HSCB: variants seen among roughly 807,000 people sequenced by gnomAD.
HSCB encodes HscB mitochondrial iron-sulfur cluster cochaperone, also known as iron-sulfur cluster co-chaperone protein HscB.
In HSCB, 23 loss-of-function variants were observed where a neutral mutation model predicts 31.3. That is an observed-to-expected ratio of 0.74 (90% CI 0.53 to 1.04). The LOEUF is 1.04. Ranked by LOEUF, HSCB falls within the 50% of genes least tolerant of loss-of-function variation. The pLI, the probability that HSCB is intolerant of heterozygous loss-of-function variation, is 0.00. For synonymous variants in HSCB, 110 were observed against 104.5 expected (o/e 1.05, Z -0.32); for missense variants, 297 against 288.1 (o/e 1.03, Z -0.22).
chr22:28,754,076 T>C (rs969033704), intron 5 of HSCB, among the ~76,000 whole-genome samples: 1 of 151,856 alleles, frequency 6.6e-6, no homozygotes, highest in African/African-American at 2.4e-5. Context: ...GAGTTTGCAG[T>C]GAGCCGAGAT....
At chr22:28,751,125 A>G in intron 4 of HSCB, 116 bp from the exon 5 acceptor site, 1 of 655,466 alleles carries the variant, frequency 1.5e-6, no homozygotes, top group East Asian at 2.8e-5. Flanking sequence ...TTACCCTTGA[A>G]TACAAACTTC....
chr22:28,745,217 TA>T (rs2054663832), intron 3 of HSCB: 1 of 153,084 alleles, frequency 6.5e-6, no homozygotes, highest in South Asian at 2.0e-4. Context: ...AGCTTTTAGT[TA>T]AGAGTCATTT....
At position 28,744,738 on chromosome 22, in the gene HSCB, G is replaced by A. The variant is rs775312262; in HGVS notation, c.423+34G>A. ...ATTTCCCAACACTTCTGTGTATGAC[G>A]TCCTGATGCCCATTATGGCGTAGGA... On this transcript the variant is annotated intron_variant, in intron 3 of 5. Transcript: ENST00000216027. The A allele has an allele frequency of 1.5e-5, 23 of 1,498,794 alleles. No homozygotes were observed. In the South Asian group the frequency reaches 2.0e-4, roughly 13 times the overall value. The allele number at this position is 1,498,794 out of a possible 1,614,324, so 92.8% of individuals were successfully genotyped here.
At chr22:28,742,727 G>T in intron 1 of HSCB, 1 of 235,996 alleles carries the variant, frequency 4.2e-6, no homozygotes, top group Non-Finnish European at 8.5e-6. Flanking sequence ...TGAATGAATA[G>T]GGTGAGTAAG....
chr22:28,752,091 A>C (rs1008185082), intron 5 of HSCB, among the ~76,000 whole-genome samples: 5 of 151,374 alleles, frequency 3.3e-5, no homozygotes, highest in African/African-American at 1.2e-4. Flanking sequence ...ACTCCCTCTC[A>C]AAACAAACAA....
intron 2 of HSCB, 106 bp downstream of exon 2, chr22:28,744,084 T>G: frequency 1.1e-6 from 1 of 905,806 alleles, no homozygotes. Flanking sequence ...AAATCAGCTG[T>G]GTCTGCCCCA....
intron 3 of HSCB, chr22:28,745,654 C>T (rs1486080770): frequency 2.4e-6 from 1 of 424,192 alleles, no homozygotes; most frequent in African/African-American, 2.0e-5. Context: ...CAAGATCACA[C>T]CAAGGTCACA....
At chr22:28,748,502 G>GT (rs541782468) in intron 4 of HSCB, among the ~76,000 whole-genome samples, 2,268 of 148,438 alleles carry the variant, frequency 0.015, 53 homozygotes, top group African/African-American at 0.044. Flanking sequence ...AAACCCAAGC[G>GT]TTTTTTTTTG....
chr22:28,752,821 C>T (rs2030349584), intron 5 of HSCB, among the ~76,000 whole-genome samples: 2 of 152,082 alleles, frequency 1.3e-5, no homozygotes, highest in South Asian at 4.1e-4. Context: ...TGGCTCACGC[C>T]TGTAATCCCC....
intron 5 of HSCB, 133 bp downstream of exon 5, chr22:28,751,421 T>A (rs1389518980): frequency 1.8e-6 from 1 of 541,490 alleles, no homozygotes; most frequent in Non-Finnish European, 3.3e-6. Context: ...TACTTATGAG[T>A]CTACATTTCT....
intron 5 of HSCB, among the ~76,000 whole-genome samples, chr22:28,752,212 G>A (rs1469349022): frequency 6.6e-6 from 1 of 152,020 alleles, no homozygotes; most frequent in East Asian, 1.9e-4. Flanking sequence ...GGGAGGCCGA[G>A]GCGGGTGGAT....
At chr22:28,747,858 G>A (rs1305393787) in intron 4 of HSCB, among the ~76,000 whole-genome samples, 3 of 151,830 alleles carry the variant, frequency 2.0e-5, no homozygotes, top group Non-Finnish European at 2.9e-5. Flanking sequence ...ATTCCCAAGT[G>A]TCTCCCCTCC....
At chr22:28,752,828 C>T (rs1445742628) in intron 5 of HSCB, among the ~76,000 whole-genome samples, 1 of 152,032 alleles carries the variant, frequency 6.6e-6, no homozygotes, top group Non-Finnish European at 1.5e-5. Flanking sequence ...CGCCTGTAAT[C>T]CCCACATTTT....
chr22:28,753,018 G>T (rs1357446688), intron 5 of HSCB, among the ~76,000 whole-genome samples: 1 of 151,910 alleles, frequency 6.6e-6, no homozygotes, highest in East Asian at 1.9e-4. Context: ...GTCGGAGGTT[G>T]CAGTGAGCCG....
intron 5 of HSCB, among the ~76,000 whole-genome samples, chr22:28,753,971 C>T (rs1429113973): frequency 2.0e-5 from 3 of 150,948 alleles, no homozygotes; most frequent in East Asian, 2.0e-4. Context: ...GGTGAAACCC[C>T]GTCTCTGAAA....
chr22:28,745,955 T>TC lies in HSCB; in HGVS notation c.516dup (p.Ala173ArgfsTer4), dbSNP rs2054679526. 9.3e-6 allele frequency: 15 copies of TC among 1,613,916 alleles called. No individual in the cohort carries two copies. The highest frequency in any genetic ancestry group is 1.3e-5 in the Non-Finnish European group (15 of 1,179,912). On this transcript the variant is annotated frameshift_variant, in exon 4 of 6. Coordinates refer to ENST00000216027, the MANE Select transcript of HSCB (RefSeq NM_172002.5). LOFTEE classifies it high-confidence loss of function. ...GAAATAATGGAAATCAATGAAAAAC[T>TC]CGCAGAAGCTGAAAGTGAAGCTGCC...
chr22:28,742,185 T>C lies in HSCB; in HGVS notation c.90T>C (p.Ala30=). 1 of 1,613,954 alleles carries C rather than the reference T, an allele frequency of 6.2e-7. No individual in the cohort carries two copies. Among genetic ancestry groups the C allele is most frequent in the Admixed American group, 1.7e-5 (1 of 60,000 alleles). The change falls in exon 1 of 6, where the codon GCT becomes GCC. Residue 30 remains alanine, a synonymous_variant. Transcript: ENST00000216027. Reference sequence around the variant, plus strand: ...GAAGGAGACCGCTAAGCTGCGATGCTGCGTCGCAGGCGGGAAGCAATTATC... The same window carrying C: ...GAAGGAGACCGCTAAGCTGCGATGCCGCGTCGCAGGCGGGAAGCAATTATC... The part of the protein sequence containing the change: ...VPRRRPLSCD[A]ASQAGSNYPR...
At chr22:28,744,791 G>C in intron 3 of HSCB, 87 bp downstream of exon 3, 1 of 1,054,978 alleles carries the variant, frequency 9.5e-7, no homozygotes, top group East Asian at 2.4e-5. Flanking sequence ...TTCAGCAGAA[G>C]AGTGCTTGAG....
At chr22:28,756,873 T>G (rs753898282) in intron 5 of HSCB, among the ~76,000 whole-genome samples, 15 of 152,156 alleles carry the variant, frequency 9.9e-5, no homozygotes, top group South Asian at 2.1e-4. Context: ...ACACATGCTC[T>G]TACACAACTC....
Sources: allele counts gnomAD v4.1 joint callset (sites outside exome capture counted in the v4.1 genomes callset), GRCh38; gene constraint gnomAD v4.1.1; transcripts MANE v1.5; gene names NCBI Gene and HGNC (gene_info 2026-07-23, HGNC 2026-07-21).